The following TTLL11 variants were observed in gnomAD, a reference collection of about 807,000 sequenced individuals.
TTLL11 encodes the protein tubulin tyrosine ligase like 11.
A neutral mutation model predicts 51.7 loss-of-function variants in TTLL11; 42 were observed. The observed-to-expected ratio is 0.81, with a 90% CI of 0.64 to 1.05. The LOEUF is 1.05. TTLL11 is among the 50% of genes least tolerant of loss of function. The pLI, the probability that TTLL11 is intolerant of heterozygous loss-of-function variation, is 0.00. For synonymous variants in TTLL11, 381 were observed against 383.5 expected, an observed-to-expected ratio of 0.99 and a Z score of 0.08; for missense variants, 799 against 940.4, an observed-to-expected ratio of 0.85 and a Z score of 1.97.
chr9:121,911,212 A>G (rs1049651037), intron 6 of TTLL11, among the ~76,000 whole-genome samples: 5 of 152,300 alleles, frequency 3.3e-5, no homozygotes, highest in East Asian at 1.9e-4. Context: ...CCTGGCCAAC[A>G]CAGCAAAATT....
At chr9:121,936,199 C>T (rs1841210803) in intron 6 of TTLL11, among the ~76,000 whole-genome samples, 1 of 151,910 alleles carries the variant, frequency 6.6e-6, no homozygotes, top group African/African-American at 2.4e-5. Context: ...AATAATCAAA[C>T]AAATTCAATC....
At chr9:121,929,131 A>G (rs1442090436) in intron 6 of TTLL11, among the ~76,000 whole-genome samples, 4 of 152,080 alleles carry the variant, frequency 2.6e-5, no homozygotes, top group Non-Finnish European at 4.4e-5. Flanking sequence ...CCCAAACCAC[A>G]CAAACTTTCC....
intron 1 of TTLL11, 34 bp from the exon 2 acceptor site, chr9:122,039,402 TAAG>T: frequency 1.3e-5 from 20 of 1,558,280 alleles, no homozygotes; most frequent in Non-Finnish European, 1.8e-5. Context: ...GCAATAAGAA[TAAG>T]AAGAGCAGTG....
At chr9:121,927,127 T>C (rs747740807) in intron 6 of TTLL11, among the ~76,000 whole-genome samples, 10 of 152,214 alleles carry the variant, frequency 6.6e-5, no homozygotes, top group Admixed American at 2.0e-4. Flanking sequence ...ACATATGTAT[T>C]TGGAGGAACA....
intron 6 of TTLL11, among the ~76,000 whole-genome samples, chr9:121,908,957 C>T (rs1840026558): frequency 6.6e-6 from 1 of 152,200 alleles, no homozygotes; most frequent in Admixed American, 6.5e-5. Context: ...ATGACTTTGT[C>T]AGGGGACACA....
chr9:121,990,680 A>G (rs1318404061), intron 3 of TTLL11, among the ~76,000 whole-genome samples: 1 of 152,188 alleles, frequency 6.6e-6, no homozygotes, highest in Non-Finnish European at 1.5e-5. Flanking sequence ...GAGCTGAGCT[A>G]GTGCACAGGA....
chr9:121,883,767 A>AT (rs1280170479), intron 6 of TTLL11, among the ~76,000 whole-genome samples: 5 of 152,168 alleles, frequency 3.3e-5, no homozygotes, highest in African/African-American at 1.2e-4. Context: ...ATCAAGGTAC[A>AT]TTTTTTAGAT....
chr9:122,035,899 C>T (rs1176535532), intron 2 of TTLL11, among the ~76,000 whole-genome samples: 4 of 152,176 alleles, frequency 2.6e-5, no homozygotes, highest in Non-Finnish European at 1.5e-5. Context: ...GCCCTGCTCA[C>T]CTGACGCCCT....
chr9:122,047,124 G>A (rs578182495), intron 1 of TTLL11, among the ~76,000 whole-genome samples: 14 of 152,294 alleles, frequency 9.2e-5, no homozygotes, highest in African/African-American at 3.4e-4. Flanking sequence ...GCCTGAGAAG[G>A]CCACCCCGTG....
At chr9:122,032,671 A>ATTT (rs143714595) in intron 2 of TTLL11, among the ~76,000 whole-genome samples, 4 of 150,386 alleles carry the variant, frequency 2.7e-5, no homozygotes, top group African/African-American at 4.9e-5. Flanking sequence ...AGGTTGGTGG[A>ATTT]TTTTTTTTCT....
At chr9:121,917,652 G>GGGAGGGAAGGAAC in intron 6 of TTLL11, among the ~76,000 whole-genome samples, 1 of 148,278 alleles carries the variant, frequency 6.7e-6, no homozygotes, top group Non-Finnish European at 1.5e-5. Context: ...AGGGAAGGAA[G>GGGAGGGAAGGAAC]GGAAGGAAAG....
At chr9:122,014,958 C>T (rs375569500) in intron 3 of TTLL11, among the ~76,000 whole-genome samples, 1 of 152,298 alleles carries the variant, frequency 6.6e-6, no homozygotes, top group African/African-American at 2.4e-5. Flanking sequence ...CCTCGGGAAA[C>T]GATTGCACTA....
intron 2 of TTLL11, among the ~76,000 whole-genome samples, chr9:122,036,449 AC>A (rs1489613833): frequency 6.6e-6 from 1 of 151,766 alleles, no homozygotes; most frequent in Non-Finnish European, 1.5e-5. Context: ...TGATTTAGAT[AC>A]GTCTAAAGAA....
intron 4 of TTLL11, among the ~76,000 whole-genome samples, chr9:121,987,886 C>T (rs930823694): frequency 2.6e-5 from 4 of 152,134 alleles, no homozygotes; most frequent in African/African-American, 9.7e-5. Flanking sequence ...CTGTCCCCAA[C>T]CCAGGCCTCT....
At chr9:121,825,961 A>T (rs1043196735) in intron 8 of TTLL11, among the ~76,000 whole-genome samples, 3 of 151,468 alleles carry the variant, frequency 2.0e-5, no homozygotes, top group Non-Finnish European at 4.4e-5. Context: ...GATTTTCTAC[A>T]GTAAACATGG....
intron 4 of TTLL11, among the ~76,000 whole-genome samples, chr9:121,986,163 C>G (rs1022254620): frequency 9.2e-5 from 14 of 152,360 alleles, no homozygotes; most frequent in Admixed American, 2.6e-4. Context: ...CAGACATGAT[C>G]TGTCCAAACC....
intron 8 of TTLL11, among the ~76,000 whole-genome samples, chr9:121,858,561 T>G (rs1837899301): frequency 1.3e-5 from 2 of 152,186 alleles, no homozygotes; most frequent in Non-Finnish European, 2.9e-5. Flanking sequence ...TGAGCGCCAG[T>G]GCCCTGCAGG....
chr9:121,920,249 G>A (rs1840482996), intron 6 of TTLL11, among the ~76,000 whole-genome samples: 1 of 152,214 alleles, frequency 6.6e-6, no homozygotes. Flanking sequence ...GCTGCAGTGA[G>A]CCAAGATTGC....
chr9:121,867,602 A>T (rs1029701933), intron 7 of TTLL11, among the ~76,000 whole-genome samples: 1 of 152,284 alleles, frequency 6.6e-6, no homozygotes, highest in Non-Finnish European at 1.5e-5. Context: ...TAACTTCTAA[A>T]TTTGGGCTAT....
Sources: gnomAD v4.1 joint callset for allele counts (sites outside exome capture counted in the v4.1 genomes callset) on GRCh38, gnomAD v4.1.1 for gene constraint, MANE v1.5 for transcripts, NCBI Gene and HGNC (gene_info 2026-07-23, HGNC 2026-07-21) for gene names.